PSTPIP2: variants seen among roughly 807,000 people sequenced by gnomAD.
PSTPIP2 encodes proline-serine-threonine phosphatase-interacting protein 2.
In PSTPIP2, 33 loss-of-function variants were observed where a neutral mutation model predicts 63.3. The ratio of observed to expected loss-of-function variants is 0.52; its 90% confidence interval spans 0.40 to 0.70. The LOEUF (loss-of-function observed/expected upper bound fraction) is 0.70. PSTPIP2 is among the 30% of genes least tolerant of loss of function. The pLI, the probability that PSTPIP2 is intolerant of heterozygous loss-of-function variation, is 0.00. For missense variants in PSTPIP2, 312 were observed against 400.7 expected (o/e 0.78, Z 1.89); for synonymous variants, 125 against 132.7 (o/e 0.94, Z 0.40).
intron 3 of PSTPIP2, among the ~76,000 whole-genome samples, chr18:46,021,041 T>C (rs1286365071): frequency 1.3e-5 from 2 of 152,232 alleles, no homozygotes; most frequent in Non-Finnish European, 2.9e-5. Context: ...TTATGCTTTC[T>C]TTATAAATGA....
chr18:46,072,076 G>GC (rs1053509129), intron 1 of PSTPIP2, 80 bp downstream of exon 1: 61 of 1,474,992 alleles, frequency 4.1e-5, no homozygotes, highest in Admixed American at 1.9e-4. Flanking sequence ...GAGCTGGGGA[G>GC]CCCCCCACGC....
At chr18:46,024,514 A>G in intron 3 of PSTPIP2, 95 bp downstream of exon 3, 4 of 1,099,554 alleles carry the variant, frequency 3.6e-6, no homozygotes, top group Admixed American at 1.9e-5. Flanking sequence ...TTCAGCCAGC[A>G]TACTTCAACC....
At chr18:46,058,809 G>A (rs1387691364) in intron 1 of PSTPIP2, among the ~76,000 whole-genome samples, 1 of 152,208 alleles carries the variant, frequency 6.6e-6, no homozygotes, top group African/African-American at 2.4e-5. Context: ...TCACCAGCGG[G>A]GTGGGACCCT....
chr18:46,028,577 A>G (rs1445733542), intron 2 of PSTPIP2: 9 of 749,320 alleles, frequency 1.2e-5, no homozygotes, highest in Admixed American at 9.1e-5. Flanking sequence ...TGGGAGACTC[A>G]GAAGCGGAGA....
At chr18:46,064,424 G>A (rs1909105712) in intron 1 of PSTPIP2, among the ~76,000 whole-genome samples, 1 of 146,448 alleles carries the variant, frequency 6.8e-6, no homozygotes, top group East Asian at 2.0e-4. Flanking sequence ...CCGAGTAGCT[G>A]GGACTACAGG....
intron 2 of PSTPIP2, among the ~76,000 whole-genome samples, chr18:46,035,176 C>A (rs1010764271): frequency 2.0e-5 from 3 of 152,018 alleles, no homozygotes; most frequent in Non-Finnish European, 4.4e-5. Flanking sequence ...AATCCCAGCA[C>A]CTTGGGAGGC....
Position 46,030,687 on chromosome 18 carries a change from C to A in PSTPIP2, c.135-6001G>T, listed in dbSNP as rs1168281556. On this transcript the variant is annotated intron_variant, in intron 2 of 14. Transcript: ENST00000409746. ...TGACTAAATTTTATCACTACGTAAT[C>A]TTTTGCCAAAATAGTTCAAGGGTAG... is the stretch of plus-strand genomic sequence containing the variant. Among the ~76,000 whole-genome samples the A allele has an allele frequency of 5.9e-5, 9 of 152,218 alleles. No homozygotes were observed. In the East Asian group the frequency reaches 1.7e-3, roughly 29 times the overall value.
intron 6 of PSTPIP2, among the ~76,000 whole-genome samples, chr18:46,004,499 T>C (rs960497156): frequency 2.0e-5 from 3 of 152,218 alleles, no homozygotes; most frequent in African/African-American, 7.2e-5. Context: ...TTTTCAGATA[T>C]CTTAAAACAG....
intron 2 of PSTPIP2, chr18:46,029,694 A>C: frequency 1.4e-6 from 1 of 698,812 alleles, no homozygotes; most frequent in South Asian, 1.6e-5. Context: ...TGAAAGAAGC[A>C]GTCATTGGTT....
intron 8 of PSTPIP2, 76 bp downstream of exon 8, chr18:45,998,718 C>G: frequency 1.4e-6 from 2 of 1,476,180 alleles, no homozygotes; most frequent in Non-Finnish European, 1.9e-6. Flanking sequence ...ATAAAACTCC[C>G]TTTCTCAGGG....
At chr18:45,989,411 T>G (rs917509837) in intron 13 of PSTPIP2, among the ~76,000 whole-genome samples, 2 of 152,188 alleles carry the variant, frequency 1.3e-5, no homozygotes, top group Admixed American at 1.3e-4. Context: ...GCCACCACCA[T>G]GTAAGAAGTG....
In PSTPIP2 at chr18:45,998,700, T is replaced by C; in HGVS notation, c.562+94A>G. The stretch of plus-strand genomic sequence containing the variant: ...GCTGAATATCCATATATTCTCTCTT[T>C]AAGGTATATAAAACTCCCTTTCTCA... On this transcript the variant is annotated intron_variant, in intron 8 of 14. Coordinates refer to ENST00000409746, the MANE Select transcript of PSTPIP2 (RefSeq NM_024430.4). 2.4e-6 allele frequency: 3 copies of C among 1,270,594 alleles called. 1 individual carries two copies. The South Asian group carries it at 3.9e-5, about 16-fold the overall frequency. The allele number at this position is 1,270,594 out of a possible 1,614,324, so 78.7% of individuals were successfully genotyped here.
In PSTPIP2 at chr18:45,990,711, T is replaced by A; in HGVS notation, c.955+11A>T. ...TATAAGAATTTCAAAAGACCTTTTTTAGTGGCATACCTGGTGAGCTTTTAG... is the reference window on the plus strand; with the variant it reads ...TATAAGAATTTCAAAAGACCTTTTTAAGTGGCATACCTGGTGAGCTTTTAG... On this transcript the variant is annotated intron_variant, in intron 13 of 14. Transcript: ENST00000409746. 3.1e-6 allele frequency: 5 copies of A among 1,602,056 alleles called. No individual in the cohort carries two copies. The East Asian group carries it at 6.7e-5, about 21-fold the overall frequency.
In PSTPIP2 at chr18:46,015,959, A is replaced by G. The variant is rs758779764; in HGVS notation, c.213-22T>C. ...GGTGCTAAAAAAAACAAGCACATAT[A>G]TAATTTCAGTTCTGGAAATTCTCTG... On this transcript the variant is annotated intron_variant, in intron 3 of 14. Coordinates refer to ENST00000409746, the MANE Select transcript of PSTPIP2 (RefSeq NM_024430.4). The G allele has an allele frequency of 3.1e-6, 5 of 1,609,648 alleles. No individual in the cohort carries two copies. The Admixed American group carries it at 8.4e-5, about 27-fold the overall frequency.
At chr18:46,059,042 C>CT (rs137984691) in intron 1 of PSTPIP2, among the ~76,000 whole-genome samples, 1,778 of 137,178 alleles carry the variant, frequency 0.013, 25 homozygotes, top group African/African-American at 0.042. Flanking sequence ...TTTTCTTTTT[C>CT]TTTTTTTTTT....
At chr18:46,031,938 T>C (rs1468465665) in intron 2 of PSTPIP2, among the ~76,000 whole-genome samples, 2 of 152,138 alleles carry the variant, frequency 1.3e-5, no homozygotes, top group African/African-American at 4.8e-5. Context: ...GAAACTAGAA[T>C]CTCAGCCTCA....
chr18:46,049,473 A>T (rs564715154), intron 1 of PSTPIP2, among the ~76,000 whole-genome samples: 5 of 149,348 alleles, frequency 3.3e-5, no homozygotes, highest in East Asian at 3.9e-4. Context: ...ATAAAAGTTT[A>T]AAAAAAAAAG....
chr18:46,006,164 G>A (rs950833765), intron 5 of PSTPIP2, among the ~76,000 whole-genome samples: 15 of 151,116 alleles, frequency 9.9e-5, no homozygotes, highest in Admixed American at 4.0e-4. Flanking sequence ...AGCAATTCTC[G>A]TGCCTCAGCC....
At chr18:46,064,823 C>T (rs776195812) in intron 1 of PSTPIP2, among the ~76,000 whole-genome samples, 8 of 152,004 alleles carry the variant, frequency 5.3e-5, no homozygotes, top group Non-Finnish European at 8.8e-5. Context: ...ATACCTTACA[C>T]GAATGACATG....
Sources: allele counts gnomAD v4.1 joint callset (sites outside exome capture counted in the v4.1 genomes callset), GRCh38; gene constraint gnomAD v4.1.1; transcripts MANE v1.5; gene names NCBI Gene and HGNC (gene_info 2026-07-23, HGNC 2026-07-21).